FZD3: variants seen among roughly 807,000 people sequenced by gnomAD.
The protein encoded by FZD3 is frizzled-3.
In FZD3, 30 loss-of-function variants were observed where a neutral mutation model predicts 60.7. The ratio of observed to expected loss-of-function variants is 0.49; its 90% confidence interval spans 0.37 to 0.67. The LOEUF is 0.67. Ranked by LOEUF, FZD3 falls within the 30% of genes least tolerant of loss-of-function variation. The pLI is 0.00. For missense variants in FZD3, 605 were observed against 838.7 expected, an observed-to-expected ratio of 0.72 and a Z score of 3.44; for synonymous variants, 246 against 275.2, an observed-to-expected ratio of 0.89 and a Z score of 1.05.
chr8:28,545,777 C>T, intron 5 of FZD3, among the ~76,000 whole-genome samples: 1 of 152,130 alleles, frequency 6.6e-6, no homozygotes, highest in African/African-American at 2.4e-5. Flanking sequence ...ATGGCCAGAA[C>T]AGTGCATATT....
rs554216463 is a variant in FZD3, at chr8:28,544,074, G to C, written c.1405-7529G>C. On this transcript the variant is annotated intron_variant, in intron 5 of 7. Coordinates refer to ENST00000240093, the MANE Select transcript of FZD3 (RefSeq NM_017412.4). ...CAAATTTTATTTTACCGCAGAGTAT[G>C]ATACTCTGCGGTAAAATAAAATCGG... 1.1e-4 allele frequency among the ~76,000 whole-genome samples: 17 copies of C among 151,816 alleles called. No homozygotes were observed. The East Asian group carries it at 1.2e-3, about 10-fold the overall frequency.
intron 5 of FZD3, among the ~76,000 whole-genome samples, chr8:28,549,075 G>A (rs1805356446): frequency 6.6e-6 from 1 of 152,166 alleles, no homozygotes; most frequent in Non-Finnish European, 1.5e-5. Context: ...TGGCAGGTTT[G>A]GTTTCCTCTC....
At chr8:28,510,752 G>A (rs1471645441) in intron 3 of FZD3, among the ~76,000 whole-genome samples, 1 of 152,124 alleles carries the variant, frequency 6.6e-6, no homozygotes, top group Non-Finnish European at 1.5e-5. Flanking sequence ...TAAAATAACA[G>A]TGGGCCGGGC....
Position 28,569,420 on chromosome 8 carries a change from A to AT in FZD3, c.*6414dup, listed in dbSNP as rs1326641116. 2 of 151,390 alleles carry AT rather than the reference A, an allele frequency of 1.3e-5. No homozygotes were observed. Among genetic ancestry groups the AT allele is most frequent in the Non-Finnish European group, 2.9e-5 (2 of 67,836 alleles). 9.4% of individuals were successfully genotyped at this position (151,390 alleles called of 1,614,324 possible). A position where few individuals can be genotyped will look rare whatever the true frequency, so the allele number is the denominator to read the frequency against. On this transcript the variant is annotated 3_prime_UTR_variant, in exon 8 of 8. Transcript: ENST00000240093. Reference sequence around the variant, plus strand: ...AGGCATTTTATCTCGTGGTGCCTCCATTTTTCTCATTCTCTAGGGAACAAG... The same window carrying AT: ...AGGCATTTTATCTCGTGGTGCCTCCATTTTTTCTCATTCTCTAGGGAACAAG...
chr8:28,525,951 A>G (rs1306557956), intron 4 of FZD3, among the ~76,000 whole-genome samples: 1 of 152,136 alleles, frequency 6.6e-6, no homozygotes, highest in Admixed American at 6.6e-5. Flanking sequence ...GATAACCCCA[A>G]GGTTTTTGGC....
rs1343108849 is a variant in FZD3, at chr8:28,527,556, G to T, written c.796G>T (p.Ala266Ser). ...FLLEDRVACNASIPAQYKAST... is the reference protein window; with the variant it reads ...FLLEDRVACNSSIPAQYKAST... ...GCTTGAAGATCGAGTAGCCTGCAAT[G>T]CATCCATCCCTGCACAATATAAGGC... The change falls in exon 5 of 8, where the codon GCA becomes TCA. Residue 266 changes from alanine (A) to serine (S), a missense_variant. Physicochemically the swap from Ala to Ser is moderately conservative, Grantham distance 99. Transcript: ENST00000240093. This position sits in a 1 kb window ranked among gnomAD's most constrained non-coding sequence, Gnocchi z 5.0. 6.2e-7 allele frequency: 1 copy of T among 1,613,876 alleles called. No individual in the cohort carries two copies. The highest frequency in any genetic ancestry group is 1.1e-5 in the South Asian group (1 of 91,074).
intron 7 of FZD3, among the ~76,000 whole-genome samples, chr8:28,557,728 C>G (rs1805537967): frequency 6.6e-6 from 1 of 152,208 alleles, no homozygotes; most frequent in African/African-American, 2.4e-5. Flanking sequence ...CCTCTAACAT[C>G]ACCAGTGACT....
chr8:28,560,865 C>G (rs1046840109), intron 7 of FZD3, among the ~76,000 whole-genome samples: 1 of 152,152 alleles, frequency 6.6e-6, no homozygotes, highest in Non-Finnish European at 1.5e-5. Context: ...ATGTTTTCAT[C>G]TGCAAACATT....
intron 5 of FZD3, among the ~76,000 whole-genome samples, chr8:28,550,938 T>TA (rs1253637064): frequency 6.6e-6 from 1 of 152,182 alleles, no homozygotes; most frequent in Non-Finnish European, 1.5e-5. Flanking sequence ...TATCACTGTT[T>TA]TCCTTCTATG....
intron 4 of FZD3, among the ~76,000 whole-genome samples, chr8:28,522,681 T>G (rs1804614532): frequency 6.6e-6 from 1 of 152,142 alleles, no homozygotes; most frequent in Non-Finnish European, 1.5e-5. Flanking sequence ...TTAATTTGTT[T>G]TGATAGGATT....
intron 1 of FZD3, among the ~76,000 whole-genome samples, 169 bp downstream of exon 1, chr8:28,494,512 C>T (rs1187385383): frequency 6.6e-6 from 1 of 151,970 alleles, no homozygotes; most frequent in Non-Finnish European, 1.5e-5. Flanking sequence ...CCTCTCGTCG[C>T]GGCCACAACA....
intron 5 of FZD3, among the ~76,000 whole-genome samples, chr8:28,536,441 C>T (rs1805015825): frequency 6.6e-6 from 1 of 152,216 alleles, no homozygotes; most frequent in Non-Finnish European, 1.5e-5. Context: ...GGCGCAGTGG[C>T]TCATGCCTGT....
intron 3 of FZD3, among the ~76,000 whole-genome samples, chr8:28,515,723 A>G (rs1804409554): frequency 6.6e-6 from 1 of 152,180 alleles, no homozygotes; most frequent in East Asian, 1.9e-4. Flanking sequence ...AGATCTTATC[A>G]GGAAGCTGCT....
At position 28,562,969 on chromosome 8, in the gene FZD3, C is replaced by T; in HGVS notation, c.1959C>T (p.Thr653=). 6.2e-7 allele frequency: 1 copy of T among 1,613,426 alleles called. No homozygotes were observed. Among genetic ancestry groups the T allele is most frequent in the South Asian group, 1.1e-5 (1 of 91,072 alleles). Residue 653 remains threonine, a synonymous_variant, in exon 8 of 8, where the codon ACC becomes ACT. Transcript: ENST00000240093. ...CCATGACTCATATCACACATGGCACCAGCATGAATCGGGTTATTGAAGAAG... is the reference window on the plus strand; with the variant it reads ...CCATGACTCATATCACACATGGCACTAGCATGAATCGGGTTATTGAAGAAG... The part of the protein sequence containing the change: ...NNPMTHITHG[T]SMNRVIEEDG...
intron 6 of FZD3, among the ~76,000 whole-genome samples, chr8:28,552,650 C>T (rs775803201): frequency 7.2e-5 from 11 of 151,862 alleles, no homozygotes; most frequent in African/African-American, 1.7e-4. Context: ...ATGTAGAATG[C>T]GCCTTGTATT....
chr8:28,526,499 A>G (rs1804718340), intron 4 of FZD3, among the ~76,000 whole-genome samples: 1 of 152,140 alleles, frequency 6.6e-6, no homozygotes, highest in South Asian at 2.1e-4. Context: ...TCACACTGCT[A>G]TATTTTGTGT....
chr8:28,512,403 A>G (rs992409228), intron 3 of FZD3, among the ~76,000 whole-genome samples: 1 of 152,152 alleles, frequency 6.6e-6, no homozygotes, highest in Non-Finnish European at 1.5e-5. Flanking sequence ...ATGCATGTTC[A>G]TTCAGAGTGA....
intron 5 of FZD3, among the ~76,000 whole-genome samples, chr8:28,536,615 A>G (rs1445722946): frequency 2.6e-5 from 4 of 152,172 alleles, no homozygotes; most frequent in African/African-American, 9.7e-5. Flanking sequence ...AGGCTGAGGC[A>G]GGAGAATTGC....
intron 7 of FZD3, 44 bp from the exon 8 acceptor site, chr8:28,562,754 C>T (rs779483671): frequency 1.8e-6 from 2 of 1,090,222 alleles, no homozygotes; most frequent in Non-Finnish European, 1.4e-6. Flanking sequence ...ATTATATTTT[C>T]TAGTGTGTTC....
Sources: allele counts gnomAD v4.1 joint callset (sites outside exome capture counted in the v4.1 genomes callset), GRCh38; gene constraint gnomAD v4.1.1; non-coding constraint Gnocchi (gnomAD v3.1); transcripts MANE v1.5; gene names NCBI Gene and HGNC (gene_info 2026-07-23, HGNC 2026-07-21).